SHCBP1L: variants seen among roughly 807,000 people sequenced by gnomAD.
The protein encoded by SHCBP1L is testicular spindle-associated protein SHCBP1L.
Under a neutral mutation model 62.5 loss-of-function variants are expected in SHCBP1L, and 67 were observed. The observed-to-expected ratio is 1.07, with a 90% CI of 0.88 to 1.31. SHCBP1L has a LOEUF of 1.31. Among genes scored for constraint, SHCBP1L ranks in the 40% most tolerant of loss-of-function variants. The pLI is 0.00. For synonymous variants in SHCBP1L, 284 were observed against 289.4 expected (o/e 0.98, Z 0.19); for missense variants, 823 against 809.8 (o/e 1.02, Z -0.20).
intron 2 of SHCBP1L, among the ~76,000 whole-genome samples, chr1:182,941,162 C>CA (rs1199841770): frequency 1.0e-5 from 1 of 96,328 alleles, no homozygotes; most frequent in African/African-American, 4.0e-5. Context: ...ATGATAATAA[C>CA]AAAAAAACAA....
intron 2 of SHCBP1L, among the ~76,000 whole-genome samples, chr1:182,950,362 T>A (rs1651705724): frequency 6.6e-6 from 1 of 152,098 alleles, no homozygotes; most frequent in Non-Finnish European, 1.5e-5. Flanking sequence ...GTGCAGTGAC[T>A]CATGCCTGTA....
Position 182,904,161 on chromosome 1 carries a change from T to G in SHCBP1L, c.1587+19A>C. 2 of 1,612,410 alleles carry G rather than the reference T, an allele frequency of 1.2e-6. No individual in the cohort carries two copies. Among genetic ancestry groups the G allele is most frequent in the Non-Finnish European group, 1.7e-6 (2 of 1,179,264 alleles). ...CATCTATAGTCATATAAGGCCATACTTTTTAAAGAATGAAATACCTGGGCG... is the reference window on the plus strand; with the variant it reads ...CATCTATAGTCATATAAGGCCATACGTTTTAAAGAATGAAATACCTGGGCG... On this transcript the variant is annotated intron_variant, in intron 8 of 9. Coordinates refer to ENST00000367547, the MANE Select transcript of SHCBP1L (RefSeq NM_030933.4).
At chr1:182,924,720 GAAA>G (rs1650635694) in intron 6 of SHCBP1L, among the ~76,000 whole-genome samples, 3 of 54,768 alleles carry the variant, frequency 5.5e-5, no homozygotes, top group Non-Finnish European at 8.6e-5. Flanking sequence ...AAGAAAGAAA[GAAA>G]GAAAGAAAGA....
intron 6 of SHCBP1L, among the ~76,000 whole-genome samples, chr1:182,922,704 A>G (rs1236548308): frequency 6.6e-6 from 1 of 152,218 alleles, no homozygotes; most frequent in African/African-American, 2.4e-5. Flanking sequence ...TTTGAAACTA[A>G]TGAGAACAAG....
At chr1:182,900,785 C>A (rs895642386) in intron 9 of SHCBP1L, among the ~76,000 whole-genome samples, 2 of 152,018 alleles carry the variant, frequency 1.3e-5, no homozygotes, top group African/African-American at 4.8e-5. Context: ...GTAATCCCAG[C>A]TCTTAAGAAG....
chr1:182,924,717 A>AAAGG (rs1650634969), intron 6 of SHCBP1L, among the ~76,000 whole-genome samples: 1 of 58,748 alleles, frequency 1.7e-5, no homozygotes, highest in Non-Finnish European at 2.8e-5. Flanking sequence ...AGAAAGAAAG[A>AAAGG]AAGAAAGAAA....
At chr1:182,913,705 G>A (rs1650264317) in intron 6 of SHCBP1L, among the ~76,000 whole-genome samples, 1 of 152,082 alleles carries the variant, frequency 6.6e-6, no homozygotes, top group Non-Finnish European at 1.5e-5. Context: ...AGATAGGCGG[G>A]GCACAGTGGC....
At chr1:182,906,621 A>G (rs138589130) in intron 6 of SHCBP1L, among the ~76,000 whole-genome samples, 1,838 of 150,914 alleles carry the variant, frequency 0.012, 18 homozygotes, top group Non-Finnish European at 0.017. Context: ...TAGTAGAGAC[A>G]GGGTTTCGCC....
chr1:182,934,105 A>T (rs1441622751), intron 5 of SHCBP1L, among the ~76,000 whole-genome samples: 1 of 152,040 alleles, frequency 6.6e-6, no homozygotes, highest in East Asian at 1.9e-4. Flanking sequence ...TGGTTATCTA[A>T]TTTGTTGGCT....
chr1:182,904,467 T>C, intron 7 of SHCBP1L, 37 bp from the exon 8 acceptor site: 1 of 1,606,428 alleles, frequency 6.2e-7, no homozygotes, highest in Non-Finnish European at 8.5e-7. Flanking sequence ...AAATCAGTAA[T>C]CTCCCATTTT....
At chr1:182,940,288 GAT>G in intron 3 of SHCBP1L, 39 bp downstream of exon 3, 1 of 1,527,244 alleles carries the variant, frequency 6.5e-7, no homozygotes. Context: ...TTAACTTTTG[GAT>G]ATAATAAATT....
In SHCBP1L at chr1:182,953,098, G is replaced by A. The variant is rs368357162; in HGVS notation, c.36C>T (p.Asp12=). ...TGTCCGGGCTGATGGTGCGGAATGA[G>A]TCCGCGGGCACCGAGGCCTTGGAGC... ...ASGSKASVPA[D]SFRTISPDRR... is the part of the protein sequence containing the mutation. Residue 12 remains aspartate (D), a synonymous_variant, in exon 1 of 10, where the codon GAC becomes GAT. Transcript: ENST00000367547. The A allele has an allele frequency of 2.5e-6, 4 of 1,571,398 alleles. No homozygotes were observed. The highest frequency in any genetic ancestry group is 3.4e-6 in the Non-Finnish European group (4 of 1,166,440).
chr1:182,921,643 C>T (rs922509124), intron 6 of SHCBP1L, among the ~76,000 whole-genome samples: 1 of 152,244 alleles, frequency 6.6e-6, no homozygotes, highest in Admixed American at 6.5e-5. Flanking sequence ...TGGTGGCTCA[C>T]ACCTATAATC....
At position 182,952,914 on chromosome 1, in the gene SHCBP1L, G is replaced by C; in HGVS notation, c.220C>G (p.Pro74Ala). The change falls in exon 1 of 10, where the codon CCC becomes GCC. Residue 74 changes from proline (P) to alanine (A), a missense_variant. Physicochemically the swap from Pro to Ala is conservative, Grantham distance 27. Transcript: ENST00000367547. ...CCCGTGTCCTCGGCCTGAGCCGCGG[G>C]CAGGCGCTGGAGCCGCAGCCTGGCC... ...ETARLRLQRL[P>A]AAQAEDTGEA... 2 of 1,568,348 alleles carry C rather than the reference G, an allele frequency of 1.3e-6. No homozygotes were observed. Among genetic ancestry groups the C allele is most frequent in the Non-Finnish European group, 1.7e-6 (2 of 1,157,856 alleles).
intron 6 of SHCBP1L, among the ~76,000 whole-genome samples, chr1:182,924,927 GAAGGAAGGAAGA>G (rs1236324496): frequency 2.4e-4 from 12 of 49,230 alleles, no homozygotes; most frequent in Non-Finnish European, 3.1e-4. Flanking sequence ...AGGAAGGAAG[GAAGGAAGGAAGA>G]AAGAAAGAAA....
rs756449151 is a variant in SHCBP1L, at chr1:182,939,347, C to T, written c.905G>A (p.Arg302His). The part of the protein sequence containing the change: ...DGTIPGPIAQ[R>H]FKKTLEKYKN... ...ATATTTCTCCAAAGTTTTTTTAAAA[C>T]GTTGTGCGATAGGACCAGGTATTGT... The change falls in exon 5 of 10, where the codon CGT becomes CAT. Residue 302 changes from arginine (R) to histidine (H), a missense_variant. By Grantham distance (29) the Arg-to-His change is conservative. Transcript: ENST00000367547. The T allele has an allele frequency of 5.6e-6, 9 of 1,613,824 alleles. No individual in the cohort carries two copies. Among genetic ancestry groups the T allele is most frequent in the Admixed American group, 1.7e-5 (1 of 59,994 alleles).
At chr1:182,936,841 G>A (rs979752408) in intron 5 of SHCBP1L, among the ~76,000 whole-genome samples, 2 of 151,926 alleles carry the variant, frequency 1.3e-5, no homozygotes, top group Admixed American at 1.3e-4. Flanking sequence ...TTGAGCCCAG[G>A]AGTTTGAGAT....
At chr1:182,907,728 G>A (rs1650060682) in intron 6 of SHCBP1L, among the ~76,000 whole-genome samples, 1 of 151,968 alleles carries the variant, frequency 6.6e-6, no homozygotes, top group Non-Finnish European at 1.5e-5. Flanking sequence ...ATAGGTGTGT[G>A]CCACTGCACC....
intron 2 of SHCBP1L, 46 bp downstream of exon 2, chr1:182,951,272 A>G (rs1651735577): frequency 1.4e-6 from 2 of 1,399,434 alleles, no homozygotes; most frequent in Middle Eastern, 2.0e-4. Flanking sequence ...TTAGTCTTTA[A>G]AAGAACTGAT....
Sources: allele counts gnomAD v4.1 joint callset (sites outside exome capture counted in the v4.1 genomes callset), GRCh38; gene constraint gnomAD v4.1.1; transcripts MANE v1.5; gene names NCBI Gene and HGNC (gene_info 2026-07-23, HGNC 2026-07-21).